GGCX: variants seen among roughly 807,000 people sequenced by gnomAD.
GGCX encodes the protein vitamin K-dependent gamma-carboxylase.
A neutral mutation model predicts 88.5 loss-of-function variants in GGCX; 63 were observed. The ratio of observed to expected loss-of-function variants is 0.71; its 90% CI spans 0.58 to 0.88. The LOEUF (loss-of-function observed/expected upper bound fraction) is 0.88. Among genes scored for constraint, GGCX ranks in the 40% least tolerant of loss-of-function variants. The pLI is 0.00. For missense variants in GGCX, 805 were observed against 932.9 expected, an observed-to-expected ratio of 0.86 and a Z score of 1.79; for synonymous variants, 368 against 365.8, an observed-to-expected ratio of 1.01 and a Z score of -0.07.
rs751037300 is a variant in GGCX at position 85,561,397 on chromosome 2, G to C, written c.32C>G (p.Ser11Trp). ...GGTCCTAAGCCTACCTGAGCTGGGC[G>C]AGGTCCGCGCGGACCCGGCAGACAC... is the stretch of plus-strand genomic sequence containing the variant. MAVSAGSART[S>W]PSSDKVQKDK... Residue 11 changes from serine (S) to tryptophan (W), a missense_variant, in exon 1 of 15, where the codon TCG becomes TGG. Coordinates refer to ENST00000233838, the MANE Select transcript of GGCX (RefSeq NM_000821.7). 1.9e-6 allele frequency: 3 copies of C among 1,570,842 alleles called. No individual in the cohort carries two copies. The highest frequency in any genetic ancestry group is 2.6e-6 in the Non-Finnish European group (3 of 1,158,112).
rs1157713514 is a variant in GGCX, at chr2:85,546,248, C to A, written c.*3686G>T. The A allele has an allele frequency of 6.6e-6, 1 of 152,334 alleles. No homozygotes were observed. Among genetic ancestry groups the A allele is most frequent in the East Asian group, 1.9e-4 (1 of 5,170 alleles). 9.4% of individuals were successfully genotyped at this position (152,334 alleles called of 1,614,324 possible). ...CAGATCACGAGACCATCCTGGCTAA[C>A]ACAGTGAAACCCTGTCTCTACTAAA... is the stretch of plus-strand genomic sequence containing the variant. On this transcript the variant is annotated 3_prime_UTR_variant, in exon 15 of 15. Coordinates refer to ENST00000233838, the MANE Select transcript of GGCX (RefSeq NM_000821.7).
intron 1 of GGCX, among the ~76,000 whole-genome samples, 170 bp from the exon 2 acceptor site, chr2:85,561,155 G>C (rs192558028): frequency 6.6e-6 from 1 of 152,232 alleles, no homozygotes; most frequent in East Asian, 1.9e-4. Flanking sequence ...CCCTCTCCAC[G>C]ATCCCCTAAT....
intron 13 of GGCX, 80 bp downstream of exon 13, chr2:85,550,845 C>A: frequency 6.3e-7 from 1 of 1,587,666 alleles, no homozygotes; most frequent in South Asian, 1.1e-5. Context: ...CAAGTTCATT[C>A]TTGAATGGCT....
chr2:85,551,162 A>G, intron 12 of GGCX, 90 bp from the exon 13 acceptor site: 3 of 1,260,916 alleles, frequency 2.4e-6, no homozygotes, highest in South Asian at 2.4e-5. Flanking sequence ...GCTTCTTTCT[A>G]CTCAATTGTG....
Position 85,544,834 on chromosome 2 carries a change from G to A in GGCX, c.*5100C>T, listed in dbSNP as rs377450065. 4 of 152,692 alleles carry A rather than the reference G, an allele frequency of 2.6e-5. No individual in the cohort carries two copies. In the East Asian group the frequency reaches 7.7e-4, roughly 29 times the overall value. 9.5% of individuals were successfully genotyped at this position (152,692 alleles called of 1,614,324 possible). A position where few individuals can be genotyped will look rare whatever the true frequency, so the allele number is the denominator to read the frequency against. On this transcript the variant is annotated 3_prime_UTR_variant, in exon 15 of 15. Coordinates refer to ENST00000233838, the MANE Select transcript of GGCX (RefSeq NM_000821.7). ...GAGCAGTGCTTTTGGCGGGGAGGAG[G>A]AAATCCCTTCATACTTGAACGTTTT...
rs1346239859 is a variant in GGCX, at chr2:85,549,954, G to C, written c.2257C>G (p.Pro753Ala). ...HSNPPESNPD[P>A]VHSEF Reference sequence around the variant, plus strand: ...CCCCTTCAGAACTCTGAGTGGACAGGATCAGGATTTGACTCAGGAGGATTA... The same window carrying C: ...CCCCTTCAGAACTCTGAGTGGACAGCATCAGGATTTGACTCAGGAGGATTA... Residue 753 changes from proline to alanine, a missense_variant, in exon 15 of 15, where the codon CCT becomes GCT. Pro to Ala is a conservative substitution (Grantham distance 27, BLOSUM62 -1). Around this residue, in one of 3 missense-constraint regions of GGCX, gnomAD observed 680 missense variants for 763.7 expected, o/e 0.89. Transcript: ENST00000233838. 3.7e-6 allele frequency: 6 copies of C among 1,612,930 alleles called. No homozygotes were observed. The highest frequency in any genetic ancestry group is 5.1e-6 in the Non-Finnish European group (6 of 1,179,148).
chr2:85,553,460 G>A lies in GGCX; in HGVS notation c.927C>T (p.Leu309=). ...FSYVMLASSP[L]FCSPEWPRKL... ...TCCGAGGCCACTCAGGGGAGCAGAA[G>A]AGAGGGCTGCTGGCCAGCATGACGT... is the stretch of plus-strand genomic sequence containing the variant. The change falls in exon 8 of 15, where the codon CTC becomes CTT. Residue 309 remains leucine, a synonymous_variant. Transcript: ENST00000233838. The A allele has an allele frequency of 6.2e-7, 1 of 1,613,912 alleles. No homozygotes were observed. Among genetic ancestry groups the A allele is most frequent in the Non-Finnish European group, 8.5e-7 (1 of 1,179,954 alleles).
rs747081496 is a variant in GGCX at position 85,551,592 on chromosome 2, A to G, written c.1628T>C (p.Phe543Ser). Residue 543 changes from phenylalanine to serine, a missense_variant, in exon 12 of 15, where the codon TTT becomes TCT. Coordinates refer to ENST00000233838, the MANE Select transcript of GGCX (RefSeq NM_000821.7). ...ADFPGLHLENFVSEDLGNTSI... is the reference protein window; with the variant it reads ...ADFPGLHLENSVSEDLGNTSI... ...AGTGTTGCCCAGGTCTTCACTCACA[A>G]AATTCTCCAAGTGCAGTCCTGCCAG... The G allele has an allele frequency of 6.2e-7, 1 of 1,613,730 alleles. No homozygotes were observed. The highest frequency in any genetic ancestry group is 8.5e-7 in the Non-Finnish European group (1 of 1,179,998).
In GGCX at chr2:85,554,137, A is replaced by ACTG; in HGVS notation, c.889+3_889+5dup. 6.2e-7 allele frequency: 1 copy of ACTG among 1,609,114 alleles called. No individual in the cohort carries two copies. Among genetic ancestry groups the ACTG allele is most frequent in the Non-Finnish European group, 8.5e-7 (1 of 1,175,392 alleles). Reference sequence around the variant, plus strand: ...TCCTGTTTCCTCCCAGGCTACAGGTACTGACCAATGCTGAAAAGCTGGGAA... The same window carrying ACTG: ...TCCTGTTTCCTCCCAGGCTACAGGTACTGCTGACCAATGCTGAAAAGCTGGGAA... On this transcript the variant is annotated splice_donor_region_variant and intron_variant, in intron 7 of 14. Coordinates refer to ENST00000233838, the MANE Select transcript of GGCX (RefSeq NM_000821.7).
rs1232019576 is a variant in GGCX at position 85,545,501 on chromosome 2, T to TTAA, written c.*4430_*4432dup. 1 of 152,208 alleles carries TTAA rather than the reference T, an allele frequency of 6.6e-6. No individual in the cohort carries two copies. The highest frequency in any genetic ancestry group is 6.5e-5 in the Admixed American group (1 of 15,284). 9.4% of individuals were successfully genotyped at this position (152,208 alleles called of 1,614,324 possible). A position where few individuals can be genotyped will look rare whatever the true frequency, so the allele number is the denominator to read the frequency against. ...ACCTGAGAATACTATATGTGTATCT[T>TTAA]TAACCTTGAATTGTAATCCATAATT... On this transcript the variant is annotated 3_prime_UTR_variant, in exon 15 of 15. Transcript: ENST00000233838.
In GGCX at chr2:85,550,968, C is replaced by T. The variant is rs1691919591; in HGVS notation, c.1845G>A (p.Leu615=). 1 of 1,613,984 alleles carries T rather than the reference C, an allele frequency of 6.2e-7. No homozygotes were observed. Among genetic ancestry groups the T allele is most frequent in the Non-Finnish European group, 8.5e-7 (1 of 1,179,964 alleles). ...NTTELALEQD[L]AYLQELKEKV... ...TTTCCTTTAATTCTTGCAGATATGC[C>T]AGGTCTTGCTCCAGTGCAAGCTCTG... Residue 615 remains leucine, a synonymous_variant, in exon 13 of 15, where the codon CTG becomes CTA. Coordinates refer to ENST00000233838, the MANE Select transcript of GGCX (RefSeq NM_000821.7).
intron 4 of GGCX, 141 bp from the exon 5 acceptor site, chr2:85,556,401 T>G (rs1276312249): frequency 2.9e-6 from 2 of 684,688 alleles, no homozygotes; most frequent in East Asian, 2.7e-5. Context: ...CTTTTAGAAT[T>G]ATATGAGCAA....
chr2:85,551,183 G>T, intron 12 of GGCX, 111 bp from the exon 13 acceptor site: 2 of 1,079,926 alleles, frequency 1.9e-6, no homozygotes, highest in Non-Finnish European at 2.8e-6. Context: ...TTTTGGAATC[G>T]AAAGTAACGG....
rs757929900 is a variant in GGCX, at chr2:85,550,940, C to T, written c.1873G>A (p.Val625Met). The change falls in exon 13 of 15, where the codon GTG becomes ATG. Residue 625 changes from valine (V) to methionine (M), a missense_variant. Val to Met is a conservative substitution (Grantham distance 21). Around this residue, in one of 3 missense-constraint regions of GGCX, gnomAD observed 680 missense variants for 763.7 expected, o/e 0.89. Coordinates refer to ENST00000233838, the MANE Select transcript of GGCX (RefSeq NM_000821.7). ...LAYLQELKEK[V>M]ENGSETGPLP... The stretch of plus-strand genomic sequence containing the variant: ...ATACACTCACCACTTCCATTCTCCA[C>T]CTTTTCCTTTAATTCTTGCAGATAT... 1 of 1,614,202 alleles carries T rather than the reference C, an allele frequency of 6.2e-7. No homozygotes were observed. The highest frequency in any genetic ancestry group is 8.5e-7 in the Non-Finnish European group (1 of 1,180,014).
chr2:85,545,057 G>A lies in GGCX; in HGVS notation c.*4877C>T, dbSNP rs1691589976. The A allele has an allele frequency of 6.6e-6, 1 of 152,422 alleles. No individual in the cohort carries two copies. Among genetic ancestry groups the A allele is most frequent in the Non-Finnish European group, 1.5e-5 (1 of 68,064 alleles). 9.4% of individuals were successfully genotyped at this position (152,422 alleles called of 1,614,324 possible). A position where few individuals can be genotyped will look rare whatever the true frequency, so the allele number is the denominator to read the frequency against. On this transcript the variant is annotated 3_prime_UTR_variant, in exon 15 of 15. Coordinates refer to ENST00000233838, the MANE Select transcript of GGCX (RefSeq NM_000821.7). ...TAGACCTACAGGGGGTCTGGCTGGT[G>A]TTAACAGAAGGGAGGGCAGAGCTGG...
At position 85,553,249 on chromosome 2, in the gene GGCX, A is replaced by G; in HGVS notation, c.1138T>C (p.Ser380Pro). The change falls in exon 8 of 15, where the codon TCT (serine) becomes CCT (proline). Residue 380 changes from serine to proline, a missense_variant. This residue lies in a region of GGCX where 680 missense variants were observed against 763.7 expected (regional missense o/e 0.89). Transcript: ENST00000233838. The stretch of plus-strand genomic sequence containing the variant: ...CTACAAACCTGGGTGAGAAAATGAG[A>G]ATAGGGCAGGAATAGCTGCTCCAGG... ...YLLEQLFLPY[S>P]HFLTQGYNNW... 6.2e-7 allele frequency: 1 copy of G among 1,614,218 alleles called. No individual in the cohort carries two copies. Among genetic ancestry groups the G allele is most frequent in the African/African-American group, 1.3e-5 (1 of 75,058 alleles).
Position 85,554,196 on chromosome 2 carries a change from C to T in GGCX, c.836G>A (p.Gly279Asp). ...LLFFDVSRSI[G>D]LFFVSYFHCM... ...GTGGAAGTAGGACACAAAGAACAGG[C>T]CAATGGATCTTGAGACATCAAAAAA... is the stretch of plus-strand genomic sequence containing the variant. The change falls in exon 7 of 15, where the codon GGC becomes GAC. Residue 279 changes from glycine to aspartate, a missense_variant. Physicochemically the swap from Gly to Asp is moderately conservative, Grantham distance 94. This residue lies in a region of GGCX where 680 missense variants were observed against 763.7 expected (regional missense o/e 0.89). Coordinates refer to ENST00000233838, the MANE Select transcript of GGCX (RefSeq NM_000821.7). 6.2e-7 allele frequency: 1 copy of T among 1,612,944 alleles called. No individual in the cohort carries two copies.
chr2:85,551,982 CT>C lies in GGCX; in HGVS notation c.1440-2del, dbSNP rs1691977821. On this transcript the variant is annotated splice_acceptor_variant, in intron 10 of 14. Coordinates refer to ENST00000233838, the MANE Select transcript of GGCX (RefSeq NM_000821.7). LOFTEE classifies it high-confidence loss of function. ...GATGTCCACACGAGGGTCAAAAATC[CT>C]TAGGAAAGAAAACCATGTTCTAAGG... The C allele has an allele frequency of 6.2e-7, 1 of 1,613,194 alleles. No homozygotes were observed. The highest frequency in any genetic ancestry group is 1.3e-5 in the African/African-American group (1 of 74,890).
chr2:85,558,524 A>G lies in GGCX; in HGVS notation c.455T>C (p.Leu152Pro), dbSNP rs1692301339. 6.2e-7 allele frequency: 1 copy of G among 1,613,042 alleles called. No individual in the cohort carries two copies. Among genetic ancestry groups the G allele is most frequent in the South Asian group, 1.1e-5 (1 of 91,070 alleles). Residue 152 changes from leucine (L) to proline (P), a missense_variant, in exon 4 of 15, where the codon CTG (leucine) becomes CCG (proline). Physicochemically the swap from Leu to Pro is moderately conservative, Grantham distance 98 (BLOSUM62 -3). Transcript: ENST00000233838. The stretch of plus-strand genomic sequence containing the variant: ...GTGGTTGTTCCATGATGTCTTGTCC[A>G]GGAGAAACACATACCAGTATGGCAG... ...FLLPYWYVFLLDKTSWNNHSY... is the reference protein window; with the variant it reads ...FLLPYWYVFLPDKTSWNNHSY...
Sources: allele counts gnomAD v4.1 joint callset (sites outside exome capture counted in the v4.1 genomes callset), GRCh38; gene constraint gnomAD v4.1.1; regional missense constraint gnomAD v4.1.1; transcripts MANE v1.5; gene names NCBI Gene and HGNC (gene_info 2026-07-23, HGNC 2026-07-21).